ARHGAP28: variants seen among roughly 807,000 people sequenced by gnomAD.
ARHGAP28 encodes Rho GTPase activating protein 28.
In ARHGAP28, 56 loss-of-function variants were observed where a neutral mutation model predicts 90.7. The ratio of observed to expected loss-of-function variants is 0.62; its 90% CI spans 0.50 to 0.77. The LOEUF (loss-of-function observed/expected upper bound fraction) is 0.77. ARHGAP28 is among the 30% of genes least tolerant of loss of function. The probability of loss-of-function intolerance (pLI) is 0.00; values close to 1 mark genes in which losing one functional copy is unlikely to be tolerated. For synonymous variants in ARHGAP28, 308 were observed against 323.3 expected (o/e 0.95, Z 0.51); for missense variants, 869 against 900.9 (o/e 0.96, Z 0.45).
At chr18:6,886,486 C>T (rs2057222286) in intron 11 of ARHGAP28, among the ~76,000 whole-genome samples, 1 of 152,200 alleles carries the variant, frequency 6.6e-6, no homozygotes, top group Admixed American at 6.5e-5. Context: ...GATCCAACTA[C>T]AGTCATCACC....
chr18:6,815,429 AT>A (rs1354354248), intron 1 of ARHGAP28, among the ~76,000 whole-genome samples: 18 of 152,232 alleles, frequency 1.2e-4, no homozygotes, highest in Non-Finnish European at 2.6e-4. Flanking sequence ...ATTAAAAAAA[AT>A]AAAAGCAGGG....
At chr18:6,885,134 A>G (rs549413672) in intron 11 of ARHGAP28, among the ~76,000 whole-genome samples, 9 of 152,336 alleles carry the variant, frequency 5.9e-5, no homozygotes, top group African/African-American at 2.2e-4. Flanking sequence ...CAGCCAGTAC[A>G]TTTCACTGAA....
chr18:6,799,319 A>G (rs1167502783), intron 1 of ARHGAP28, among the ~76,000 whole-genome samples: 1 of 144,936 alleles, frequency 6.9e-6, no homozygotes, highest in African/African-American at 2.7e-5. Context: ...ACCCAAAGTA[A>G]TTTGTAGATT....
intron 16 of ARHGAP28, among the ~76,000 whole-genome samples, chr18:6,906,284 A>G (rs1211015241): frequency 6.6e-6 from 1 of 152,200 alleles, no homozygotes; most frequent in Non-Finnish European, 1.5e-5. Flanking sequence ...ATTGTAAACT[A>G]TACATAACAT....
chr18:6,895,031 T>C (rs2057294760), intron 15 of ARHGAP28, 140 bp downstream of exon 15: 4 of 839,424 alleles, frequency 4.8e-6, no homozygotes, highest in South Asian at 3.0e-5. Context: ...AAAGGAATGG[T>C]AGAGGGACCT....
intron 2 of ARHGAP28, 116 bp downstream of exon 2, chr18:6,825,080 A>C (rs1316856439): frequency 3.1e-6 from 3 of 975,696 alleles, no homozygotes; most frequent in Non-Finnish European, 4.4e-6. Context: ...AATCAGTAGA[A>C]TCTGGCATAT....
intron 1 of ARHGAP28, among the ~76,000 whole-genome samples, chr18:6,809,838 G>T (rs915709807): frequency 6.6e-6 from 1 of 152,096 alleles, no homozygotes; most frequent in Non-Finnish European, 1.5e-5. Context: ...AGGCCTTTTT[G>T]TTCATTGCTA....
intron 14 of ARHGAP28, among the ~76,000 whole-genome samples, chr18:6,893,928 G>A (rs1332641849): frequency 2.7e-5 from 4 of 147,336 alleles, no homozygotes; most frequent in Non-Finnish European, 4.5e-5. Flanking sequence ...GTGCAGTGGC[G>A]CGATCTCGGC....
chr18:6,758,266 A>C (rs2056128634), intron 1 of ARHGAP28, among the ~76,000 whole-genome samples: 1 of 152,188 alleles, frequency 6.6e-6, no homozygotes, highest in Non-Finnish European at 1.5e-5. Flanking sequence ...AAAAGCCGTA[A>C]AGCATAACTA....
At chr18:6,844,715 T>C (rs1171623897) in intron 3 of ARHGAP28, among the ~76,000 whole-genome samples, 2 of 152,092 alleles carry the variant, frequency 1.3e-5, no homozygotes, top group Admixed American at 1.3e-4. Flanking sequence ...GTAGAAACGG[T>C]CAACTGGTAA....
At chr18:6,746,555 G>T (rs1000563642) in intron 1 of ARHGAP28, among the ~76,000 whole-genome samples, 3 of 152,176 alleles carry the variant, frequency 2.0e-5, no homozygotes, top group Non-Finnish European at 4.4e-5. Flanking sequence ...AAAATACAGA[G>T]AATTAGTTTT....
chr18:6,875,158 A>C (rs775549816), intron 9 of ARHGAP28: 4 of 152,252 alleles, frequency 2.6e-5, no homozygotes, highest in Non-Finnish European at 4.4e-5. Context: ...AGAACTTAGC[A>C]AATAGAAAGT....
chr18:6,736,762 A>AAC (rs1165887179), intron 1 of ARHGAP28, among the ~76,000 whole-genome samples: 2 of 140,302 alleles, frequency 1.4e-5, no homozygotes, highest in Non-Finnish European at 2.9e-5. Flanking sequence ...AAAAAAACAA[A>AAC]AAACAGAAAG....
chr18:6,914,763 G>A lies in ARHGAP28; in HGVS notation c.*2609G>A, dbSNP rs2057414843. On this transcript the variant is annotated 3_prime_UTR_variant, in exon 18 of 18. Transcript: ENST00000383472. ...GGAAAATAATGTCCTCCAGGAGAAA[G>A]TGTTAGAGGGAACTAACATTTTAGG... 6.6e-6 allele frequency: 1 copy of A among 152,200 alleles called. No homozygotes were observed. The highest frequency in any genetic ancestry group is 2.4e-5 in the African/African-American group (1 of 41,432). The allele number at this position is 152,200 out of a possible 1,614,324, so 9.4% of individuals were successfully genotyped here. A position where few individuals can be genotyped will look rare whatever the true frequency, so the allele number is the denominator to read the frequency against.
intron 5 of ARHGAP28, among the ~76,000 whole-genome samples, chr18:6,862,631 G>T (rs2057007421): frequency 6.6e-6 from 1 of 152,006 alleles, no homozygotes; most frequent in South Asian, 2.1e-4. Flanking sequence ...ATTTCCTTTG[G>T]CCCTTCTTAG....
At chr18:6,765,529 A>G (rs2056193395) in intron 1 of ARHGAP28, among the ~76,000 whole-genome samples, 2 of 152,214 alleles carry the variant, frequency 1.3e-5, no homozygotes, top group African/African-American at 4.8e-5. Flanking sequence ...GCTGAGCTAT[A>G]AATTTATTAA....
At chr18:6,800,992 C>T (rs2056477577) in intron 1 of ARHGAP28, among the ~76,000 whole-genome samples, 1 of 152,106 alleles carries the variant, frequency 6.6e-6, no homozygotes, top group African/African-American at 2.4e-5. Context: ...ATTCTTTTGT[C>T]AATGTCTTTT....
intron 1 of ARHGAP28, among the ~76,000 whole-genome samples, chr18:6,748,623 T>G (rs2056044427): frequency 6.6e-6 from 1 of 152,176 alleles, no homozygotes; most frequent in Non-Finnish European, 1.5e-5. Context: ...AATAGGATGT[T>G]TCTGTTTTCA....
intron 16 of ARHGAP28, among the ~76,000 whole-genome samples, chr18:6,904,223 A>G (rs2057353081): frequency 6.6e-6 from 1 of 152,112 alleles, no homozygotes; most frequent in East Asian, 1.9e-4. Context: ...GCGAACCCTC[A>G]TCTCTAGTAA....
Sources: allele counts gnomAD v4.1 joint callset (sites outside exome capture counted in the v4.1 genomes callset), GRCh38; gene constraint gnomAD v4.1.1; transcripts MANE v1.5; gene names NCBI Gene and HGNC (gene_info 2026-07-23, HGNC 2026-07-21).